EDDM13: variants seen among roughly 807,000 people sequenced by gnomAD.
EDDM13 encodes the protein epididymal protein 13.
Under a neutral mutation model 17.8 loss-of-function variants are expected in EDDM13, and 24 were observed. That is an observed-to-expected ratio of 1.35 (90% CI 0.98 to 1.90). The LOEUF (loss-of-function observed/expected upper bound fraction) is 1.90, where lower values mean the gene tolerates loss of function less well. Among genes scored for constraint, EDDM13 ranks in the 40% most tolerant of loss-of-function variants. EDDM13 has a pLI of 0.00. For missense variants in EDDM13, 97 were observed against 100.8 expected, an observed-to-expected ratio of 0.96 and a Z score of 0.16; for synonymous variants, 31 against 37.5, an observed-to-expected ratio of 0.83 and a Z score of 0.63.
chr19:56,285,318 TCAC>T (rs2039023621), intron 6 of EDDM13, among the ~76,000 whole-genome samples: 1 of 152,222 alleles, frequency 6.6e-6, no homozygotes, highest in African/African-American at 2.4e-5. Flanking sequence ...ATCATTCTCT[TCAC>T]CACATTCCCG....
At chr19:56,303,868 C>T (rs2147293485) in intron 13 of EDDM13, among the ~76,000 whole-genome samples, 1 of 152,244 alleles carries the variant, frequency 6.6e-6, no homozygotes, top group Admixed American at 6.5e-5. Context: ...TTCAGAGCAG[C>T]TTGGGGGCAA....
chr19:56,275,629 T>C (rs1422878399), intron 1 of EDDM13, among the ~76,000 whole-genome samples: 2 of 152,106 alleles, frequency 1.3e-5, no homozygotes, highest in Admixed American at 1.3e-4. Context: ...TGGATAGGAG[T>C]GTGATGACCA....
Position 56,302,618 on chromosome 19 carries a change from C to T in EDDM13, c.423+523C>T, listed in dbSNP as rs1600236736. On this transcript the variant is annotated intron_variant, in intron 13 of 14. Coordinates refer to ENST00000649256, the MANE Select transcript of EDDM13 (RefSeq NM_001354658.2). ...TCTCCCTCTTCTTCCTCTCCCTCTTCCTCCCTCCCTCCTCCTCCCTTCCTT... is the reference window on the plus strand; with the variant it reads ...TCTCCCTCTTCTTCCTCTCCCTCTTTCTCCCTCCCTCCTCCTCCCTTCCTT... Among the ~76,000 whole-genome samples, 5 of 127,858 alleles carry T rather than the reference C, an allele frequency of 3.9e-5. No homozygotes were observed. In the South Asian group the frequency reaches 1.4e-3, roughly 37 times the overall value. 83.9% of individuals were successfully genotyped at this position (127,858 alleles called of 152,430 possible). A position where few individuals can be genotyped will look rare whatever the true frequency, so the allele number is the denominator to read the frequency against.
At chr19:56,275,427 A>G (rs1382666308) in intron 1 of EDDM13, among the ~76,000 whole-genome samples, 1 of 152,108 alleles carries the variant, frequency 6.6e-6, no homozygotes, top group Non-Finnish European at 1.5e-5. Context: ...ATCAGCGTGA[A>G]CTCAGGGATA....
intron 9 of EDDM13, among the ~76,000 whole-genome samples, chr19:56,294,221 GGGCCC>G (rs2039709519): frequency 6.6e-6 from 1 of 152,108 alleles, no homozygotes; most frequent in South Asian, 2.1e-4. Flanking sequence ...ACCTGCCTAA[GGGCCC>G]ACCAGGTGCC....
chr19:56,293,904 C>T lies in EDDM13; in HGVS notation c.233-2055C>T, dbSNP rs571971377. Among the ~76,000 whole-genome samples the T allele has an allele frequency of 2.0e-5, 3 of 152,216 alleles. No individual in the cohort carries two copies. The East Asian group carries it at 5.8e-4, about 29-fold the overall frequency. ...GTCACTCGTCTGGAGGTTGAGAAAC[C>T]CCCCGCTGAATAAAATGTCTGGCAC... is the stretch of plus-strand genomic sequence containing the variant. On this transcript the variant is annotated intron_variant, in intron 9 of 14. Coordinates refer to ENST00000649256, the MANE Select transcript of EDDM13 (RefSeq NM_001354658.2).
intron 12 of EDDM13, among the ~76,000 whole-genome samples, chr19:56,300,831 A>G (rs1240988997): frequency 6.6e-6 from 1 of 152,190 alleles, no homozygotes; most frequent in Non-Finnish European, 1.5e-5. Context: ...TCTGAATGTA[A>G]TACTTTTAAA....
At chr19:56,290,920 GA>G (rs1465645973) in intron 9 of EDDM13, among the ~76,000 whole-genome samples, 74 bp downstream of exon 9, 1 of 152,186 alleles carries the variant, frequency 6.6e-6, no homozygotes, top group African/African-American at 2.4e-5. Flanking sequence ...ACTATCCAAA[GA>G]AGGGAATCTT....
chr19:56,279,328 G>C lies in EDDM13; in HGVS notation c.104-2365G>C, dbSNP rs1393856292. On this transcript the variant is annotated intron_variant, in intron 2 of 14. Transcript: ENST00000649256. ...ACTGCAAGACTGTAAGTTCCTAGAG[G>C]GCAGGGACTGTACTTTACTCAATCT... 4.6e-5 allele frequency among the ~76,000 whole-genome samples: 7 copies of C among 152,202 alleles called. No individual in the cohort carries two copies. In the East Asian group the frequency reaches 1.4e-3, roughly 29 times the overall value.
intron 6 of EDDM13, among the ~76,000 whole-genome samples, chr19:56,287,196 A>G (rs1471054232): frequency 6.6e-6 from 1 of 152,194 alleles, no homozygotes; most frequent in Non-Finnish European, 1.5e-5. Context: ...TTTCCCATCA[A>G]CCTGGAAGTA....
At chr19:56,274,317 G>A (rs2038083352) in intron 1 of EDDM13, among the ~76,000 whole-genome samples, 1 of 152,064 alleles carries the variant, frequency 6.6e-6, no homozygotes, top group Non-Finnish European at 1.5e-5. Context: ...ATCCAGGCAT[G>A]GTAGTAGGGG....
chr19:56,291,330 C>A (rs368112050), intron 9 of EDDM13, among the ~76,000 whole-genome samples: 2 of 152,146 alleles, frequency 1.3e-5, no homozygotes, highest in Non-Finnish European at 1.5e-5. Flanking sequence ...TGAATCCCCA[C>A]GGAAACTGAA....
chr19:56,293,603 C>T (rs1232007655), intron 9 of EDDM13, among the ~76,000 whole-genome samples: 2 of 152,192 alleles, frequency 1.3e-5, no homozygotes, highest in East Asian at 3.9e-4. Flanking sequence ...AGGGCTCAGG[C>T]CCCTGGTCGG....
chr19:56,294,856 CTCAG>C (rs1321319083), intron 9 of EDDM13, among the ~76,000 whole-genome samples: 14 of 152,350 alleles, frequency 9.2e-5, no homozygotes, highest in South Asian at 4.1e-4. Flanking sequence ...AAACACAGTG[CTCAG>C]TCAAAGAAGC....
chr19:56,310,349 CG>C lies in EDDM13; in HGVS notation c.*203del, dbSNP rs2040960332. On this transcript the variant is annotated 3_prime_UTR_variant, in exon 15 of 15. Transcript: ENST00000649256. ...ATGCCTTAGGGGGATGCACCCAGGGCGGCTGAGAGAGCAACTGCAGGAGTTT... is the reference window on the plus strand; with the variant it reads ...ATGCCTTAGGGGGATGCACCCAGGGCGCTGAGAGAGCAACTGCAGGAGTTT... 1 of 152,242 alleles carries C rather than the reference CG, an allele frequency of 6.6e-6. No homozygotes were observed. Among genetic ancestry groups the C allele is most frequent in the African/African-American group, 2.4e-5 (1 of 41,450 alleles). 9.4% of individuals were successfully genotyped at this position (152,242 alleles called of 1,614,324 possible).
At chr19:56,296,968 T>C (rs1489753961) in intron 11 of EDDM13, among the ~76,000 whole-genome samples, 1 of 151,542 alleles carries the variant, frequency 6.6e-6, no homozygotes, top group African/African-American at 2.4e-5. Flanking sequence ...ACTCGGGAGG[T>C]TGAGGCAGGA....
intron 6 of EDDM13, among the ~76,000 whole-genome samples, chr19:56,285,590 G>A (rs539774040): frequency 6.6e-6 from 1 of 152,014 alleles, no homozygotes. Context: ...CATTGACTGG[G>A]ATTCCTAACA....
chr19:56,273,621 A>C (rs2038021771), intron 1 of EDDM13, among the ~76,000 whole-genome samples: 1 of 152,128 alleles, frequency 6.6e-6, no homozygotes, highest in Non-Finnish European at 1.5e-5. Context: ...AGAGACTTGA[A>C]TATGCAAAGG....
At chr19:56,308,546 A>G (rs573947090) in intron 14 of EDDM13, among the ~76,000 whole-genome samples, 1 of 144,200 alleles carries the variant, frequency 6.9e-6, no homozygotes, top group Admixed American at 6.9e-5. Context: ...CTGGTCTCGA[A>G]CTCCTGACCT....
Sources: allele counts gnomAD v4.1 joint callset (sites outside exome capture counted in the v4.1 genomes callset), GRCh38; gene constraint gnomAD v4.1.1; transcripts MANE v1.5; gene names NCBI Gene and HGNC (gene_info 2026-07-23, HGNC 2026-07-21).